PLXDC1: variants seen among roughly 807,000 people sequenced by gnomAD.
The protein encoded by PLXDC1 is plexin domain containing 1.
Under a neutral mutation model 61.3 loss-of-function variants are expected in PLXDC1, and 39 were observed. That is an observed-to-expected ratio of 0.64 (90% confidence interval 0.49 to 0.83). PLXDC1 has a LOEUF of 0.83. Ranked by LOEUF, PLXDC1 falls within the 40% of genes least tolerant of loss-of-function variation. The pLI is 0.00. For missense variants in PLXDC1, 596 were observed against 666.5 expected, an observed-to-expected ratio of 0.89 and a Z score of 1.17; for synonymous variants, 212 against 254.5, an observed-to-expected ratio of 0.83 and a Z score of 1.59.
intron 5 of PLXDC1, 173 bp from the exon 6 acceptor site, chr17:39,107,698 C>T (rs113359206): frequency 1.1e-5 from 7 of 644,584 alleles, no homozygotes; most frequent in African/African-American, 1.1e-4. Context: ...GCGCGGCTTC[C>T]AAGCAGCAGA....
chr17:39,142,995 G>A (rs753822404), intron 1 of PLXDC1, among the ~76,000 whole-genome samples: 27 of 152,052 alleles, frequency 1.8e-4, no homozygotes, highest in Admixed American at 5.2e-4. Flanking sequence ...AAAATTAGCC[G>A]GGCATGGTGG....
In PLXDC1 at chr17:39,106,648, C is replaced by CTTTTTTTT. The variant is rs199666120; in HGVS notation, c.712-696_712-695insAAAAAAAA. Reference sequence around the variant, plus strand: ...GCCTTCTTTTTTCTTTTTTCTTTTTCTTTCTTTTTTTTTTTTTTTGAGACA... The same window carrying CTTTTTTTT: ...GCCTTCTTTTTTCTTTTTTCTTTTTCTTTTTTTTTTTCTTTTTTTTTTTTTTTGAGACA... On this transcript the variant is annotated intron_variant, in intron 6 of 13. Transcript: ENST00000315392. Among the ~76,000 whole-genome samples, 57 of 122,580 alleles carry CTTTTTTTT rather than the reference C, an allele frequency of 4.7e-4. 6 individuals carry two copies. Among genetic ancestry groups the CTTTTTTTT allele is most frequent in the East Asian group, 1.1e-3 (5 of 4,562 alleles). 80.4% of individuals were successfully genotyped at this position (122,580 alleles called of 152,430 possible).
At chr17:39,150,365 T>C (rs560206493) in intron 1 of PLXDC1, among the ~76,000 whole-genome samples, 1 of 152,112 alleles carries the variant, frequency 6.6e-6, no homozygotes, top group East Asian at 1.9e-4. Context: ...AGCACACTCC[T>C]GAGACACAGC....
chr17:39,107,370 C>T lies in PLXDC1; in HGVS notation c.711+37G>A, dbSNP rs377079909. 4 of 1,263,660 alleles carry T rather than the reference C, an allele frequency of 3.2e-6. No homozygotes were observed. In the African/African-American group the frequency reaches 4.5e-5, roughly 14 times the overall value. The allele number at this position is 1,263,660 out of a possible 1,614,324, so 78.3% of individuals were successfully genotyped here. On this transcript the variant is annotated intron_variant, in intron 6 of 13. Transcript: ENST00000315392. ...AATATTTGCTGAATGAAGAAAGGCT[C>T]CAAGACCCAGCTGTCTCTGCAGCTG...
chr17:39,095,365 C>CTGCCCCCA (rs1910121226), intron 7 of PLXDC1, among the ~76,000 whole-genome samples: 2 of 6,546 alleles, frequency 3.1e-4, no homozygotes, highest in African/African-American at 9.4e-4. Flanking sequence ...TCCTTACGCC[C>CTGCCCCCA]CGCCCCCCCC....
intron 1 of PLXDC1, among the ~76,000 whole-genome samples, chr17:39,148,941 G>A (rs555966254): frequency 7.9e-5 from 12 of 152,200 alleles, no homozygotes; most frequent in African/African-American, 2.4e-4. Flanking sequence ...AGTTGGTATT[G>A]AGCCTGGCCT....
intron 4 of PLXDC1, 180 bp from the exon 5 acceptor site, chr17:39,108,425 A>C: frequency 1.6e-6 from 1 of 621,480 alleles, no homozygotes; most frequent in Non-Finnish European, 2.8e-6. Flanking sequence ...AAAGGACCCC[A>C]GATAGGAGAA....
rs1279345140 is a variant in PLXDC1 at position 39,095,376 on chromosome 17, CCCCAACCCCCCA to C, written c.812-7686_812-7675del. ...AGAATCCTTACGCCCCGCCCCCCCCCCCCAACCCCCCAAGCCTGGGTTATTTGTTTTGGATTG... is the reference window on the plus strand; with the variant it reads ...AGAATCCTTACGCCCCGCCCCCCCCCAGCCTGGGTTATTTGTTTTGGATTG... On this transcript the variant is annotated intron_variant, in intron 7 of 13. Coordinates refer to ENST00000315392, the MANE Select transcript of PLXDC1 (RefSeq NM_020405.5). Among the ~76,000 whole-genome samples the C allele has an allele frequency of 2.5e-3, 19 of 7,730 alleles. 4 individuals are homozygous for C. Among genetic ancestry groups the C allele is most frequent in the Admixed American group, 0.014 (13 of 924 alleles). The allele number at this position is 7,730 out of a possible 152,430, so 5.1% of individuals were successfully genotyped here. A position where few individuals can be genotyped will look rare whatever the true frequency, so the allele number is the denominator to read the frequency against.
chr17:39,107,970 C>A, intron 5 of PLXDC1, 153 bp downstream of exon 5: 29 of 906,796 alleles, frequency 3.2e-5, no homozygotes, highest in African/African-American at 5.0e-5. Context: ...TTGCCCCTAT[C>A]TGACAGGTCA....
intron 2 of PLXDC1, among the ~76,000 whole-genome samples, chr17:39,133,906 C>T (rs1032911859): frequency 1.3e-5 from 2 of 151,238 alleles, no homozygotes; most frequent in Admixed American, 6.6e-5. Flanking sequence ...GGATTACAGG[C>T]GTGAGCCACT....
intron 11 of PLXDC1, chr17:39,073,399 A>G (rs1160845627): frequency 1.3e-5 from 2 of 152,250 alleles, no homozygotes; most frequent in East Asian, 3.8e-4. Context: ...TGATTCATCA[A>G]AACTAAGCAA....
intron 7 of PLXDC1, among the ~76,000 whole-genome samples, chr17:39,097,711 AAAT>A (rs1468451138): frequency 1.4e-5 from 2 of 145,844 alleles, no homozygotes; most frequent in Non-Finnish European, 3.0e-5. Flanking sequence ...TTGTCTTTAC[AAAT>A]AATAAATAAA....
chr17:39,083,095 G>A (rs1909619877), intron 9 of PLXDC1, among the ~76,000 whole-genome samples: 1 of 152,166 alleles, frequency 6.6e-6, no homozygotes, highest in Non-Finnish European at 1.5e-5. Flanking sequence ...ATGTTAAAAT[G>A]CAGCTTCCTG....
intron 1 of PLXDC1, among the ~76,000 whole-genome samples, chr17:39,141,676 T>C (rs906163551): frequency 2.6e-5 from 4 of 152,234 alleles, no homozygotes; most frequent in African/African-American, 9.6e-5. Flanking sequence ...CTGGATTGTA[T>C]GGTAATTCTA....
At position 39,108,894 on chromosome 17, in the gene PLXDC1, G is replaced by A. The variant is rs199743208; in HGVS notation, c.469+10C>T. ...CAGACTCTCCCCGGGGCCCCACGACGTGGCCTTACCTCCAGTTGCTATGGT... is the reference window on the plus strand; with the variant it reads ...CAGACTCTCCCCGGGGCCCCACGACATGGCCTTACCTCCAGTTGCTATGGT... On this transcript the variant is annotated intron_variant, in intron 4 of 13. Coordinates refer to ENST00000315392, the MANE Select transcript of PLXDC1 (RefSeq NM_020405.5). 2.1e-3 allele frequency: 3,385 copies of A among 1,608,186 alleles called. 8 individuals are homozygous for A. Among genetic ancestry groups the A allele is most frequent in the Non-Finnish European group, 2.7e-3 (3,118 of 1,175,308 alleles).
chr17:39,075,252 C>T (rs761995768), intron 11 of PLXDC1, among the ~76,000 whole-genome samples: 32 of 152,248 alleles, frequency 2.1e-4, no homozygotes, highest in Admixed American at 8.5e-4. Context: ...AGCCTCCTCT[C>T]CCAGCCTCTG....
chr17:39,135,707 C>T (rs1362965992), intron 2 of PLXDC1, among the ~76,000 whole-genome samples: 2 of 151,452 alleles, frequency 1.3e-5, no homozygotes, highest in Non-Finnish European at 2.9e-5. Flanking sequence ...GTTCCCACAC[C>T]TACATGACCA....
intron 1 of PLXDC1, among the ~76,000 whole-genome samples, chr17:39,146,948 A>ATTTTTTT (rs869300584): frequency 2.7e-5 from 2 of 74,684 alleles, no homozygotes; most frequent in Admixed American, 1.7e-4. Context: ...ACAGGAAATG[A>ATTTTTTT]TTTTTTTTTT....
At chr17:39,146,019 C>A (rs974347574) in intron 1 of PLXDC1, among the ~76,000 whole-genome samples, 1 of 151,046 alleles carries the variant, frequency 6.6e-6, no homozygotes, top group African/African-American at 2.4e-5. Flanking sequence ...GGGTTCTGGG[C>A]AGAAGTATAG....
Sources: allele counts gnomAD v4.1 joint callset (sites outside exome capture counted in the v4.1 genomes callset), GRCh38; gene constraint gnomAD v4.1.1; transcripts MANE v1.5; gene names NCBI Gene and HGNC (gene_info 2026-07-23, HGNC 2026-07-21).